Variants in MYCBP2 observed in about 807,000 individuals in gnomAD.
The protein encoded by MYCBP2 is E3 ubiquitin-protein ligase MYCBP2.
MYCBP2 carries 120 observed loss-of-function variants against 525.3 expected under a neutral mutation model. The ratio of observed to expected loss-of-function variants is 0.23; its 90% CI spans 0.20 to 0.27. The LOEUF (loss-of-function observed/expected upper bound fraction) is 0.27. Ranked by LOEUF, MYCBP2 falls within the 10% of genes least tolerant of loss-of-function variation. The probability of loss-of-function intolerance (pLI) is 1.00; values close to 1 mark genes in which losing one functional copy is unlikely to be tolerated. For missense variants in MYCBP2, 4,149 were observed against 5,657.1 expected, an observed-to-expected ratio of 0.73 and a Z score of 8.55; for synonymous variants, 1,894 against 1,955.8, an observed-to-expected ratio of 0.97 and a Z score of 0.83.
intron 26 of MYCBP2, among the ~76,000 whole-genome samples, chr13:77,202,844 A>G (rs958527499): frequency 4.6e-5 from 7 of 152,142 alleles, no homozygotes; most frequent in Non-Finnish European, 8.8e-5. Flanking sequence ...AAATTCAACA[A>G]CCCTTCATGC....
Position 77,051,873 on chromosome 13 carries a change from C to T in MYCBP2, c.13693G>A (p.Gly4565Arg). The change falls in exon 81 of 83, where the codon GGA (glycine) becomes AGA (arginine). Residue 4565 changes from glycine to arginine, a missense_variant. Physicochemically the swap from Gly to Arg is moderately radical, Grantham distance 125 (BLOSUM62 -2). Transcript: ENST00000544440. ...AGCTCTCTGGGATCATAATCATCTC[C>T]CCGTCCAGCCTCAGCATCGCAGCGA... is the stretch of plus-strand genomic sequence containing the variant. ...EARCDAEAGR[G>R]DDYDPRELIC... The T allele has an allele frequency of 2.5e-6, 4 of 1,614,132 alleles. No homozygotes were observed. Among genetic ancestry groups the T allele is most frequent in the Non-Finnish European group, 2.5e-6 (3 of 1,180,022 alleles).
At chr13:77,166,993 AC>A (rs1164895799) in intron 40 of MYCBP2, among the ~76,000 whole-genome samples, 45 of 150,158 alleles carry the variant, frequency 3.0e-4, no homozygotes, top group Admixed American at 2.8e-3. Flanking sequence ...ACACACACAC[AC>A]ACACACACAC....
Position 77,263,930 on chromosome 13 carries a change from T to A in MYCBP2, c.1430A>T (p.Asp477Val), listed in dbSNP as rs778183809. 2 of 1,611,460 alleles carry A rather than the reference T, an allele frequency of 1.2e-6. No homozygotes were observed. The highest frequency in any genetic ancestry group is 2.2e-5 in the East Asian group (1 of 44,782). ...CTACTTAAGATTCAGGATACTTACA[T>A]CTCTTGAAGCAGCTATCTGATTAAT... Reference protein sequence around the residue: ...EYINQIAASRDDGFVVRIFAT... With the variant: ...EYINQIAASRVDGFVVRIFAT... The change falls in exon 9 of 83, where the codon GAT (aspartate) becomes GTT (valine). Residue 477 changes from aspartate to valine, a missense_variant and splice_region_variant. Transcript: ENST00000544440.
chr13:77,189,102 C>G lies in MYCBP2; in HGVS notation c.4155-55G>C, dbSNP rs1020344151. 7 of 1,304,136 alleles carry G rather than the reference C, an allele frequency of 5.4e-6. No homozygotes were observed. In the East Asian group the frequency reaches 1.3e-4, roughly 24 times the overall value. 80.8% of individuals were successfully genotyped at this position (1,304,136 alleles called of 1,614,324 possible). On this transcript the variant is annotated intron_variant, in intron 29 of 82. Coordinates refer to ENST00000544440, the MANE Select transcript of MYCBP2 (RefSeq NM_015057.5). ...GTTAGAAAGTCCAATGTCATTTTTT[C>G]TTTTTAAAGTATATTATACATTTTT... is the stretch of plus-strand genomic sequence containing the variant.
chr13:77,090,113 T>G lies in MYCBP2; in HGVS notation c.10518A>C (p.Gly3506=), dbSNP rs1230468847. The change falls in exon 60 of 83, where the codon GGA becomes GGC. Residue 3506 remains glycine, a synonymous_variant. Transcript: ENST00000544440. ...KAIPRRRVNS[G]DTEVGSSLLR... Reference sequence around the variant, plus strand: ...TTTTATCCTCATACTTACCAGTGTCTCCACTGTTAACTCTTCTTCTAGGAA... The same window carrying G: ...TTTTATCCTCATACTTACCAGTGTCGCCACTGTTAACTCTTCTTCTAGGAA... 6.2e-7 allele frequency: 1 copy of G among 1,609,090 alleles called. No individual in the cohort carries two copies. The highest frequency in any genetic ancestry group is 8.5e-7 in the Non-Finnish European group (1 of 1,177,612).
intron 68 of MYCBP2, 79 bp downstream of exon 68, chr13:77,076,672 A>G: frequency 7.2e-6 from 6 of 830,642 alleles, no homozygotes. Context: ...CCATCAAAAT[A>G]TACAGCAATA....
chr13:77,308,324 T>C (rs1822219710), intron 1 of MYCBP2, among the ~76,000 whole-genome samples: 1 of 152,190 alleles, frequency 6.6e-6, no homozygotes, highest in Non-Finnish European at 1.5e-5. Context: ...TTATTCCCAT[T>C]CTCTCTCTCT....
At chr13:77,206,588 C>A in intron 24 of MYCBP2, 65 bp downstream of exon 24, 2 of 1,347,354 alleles carry the variant, frequency 1.5e-6, no homozygotes, top group Admixed American at 2.7e-5. Context: ...TTTAAATACT[C>A]TAAAAAAAAA....
chr13:77,203,933 C>T (rs2062957975), intron 26 of MYCBP2, among the ~76,000 whole-genome samples: 1 of 151,776 alleles, frequency 6.6e-6, no homozygotes, highest in South Asian at 2.1e-4. Flanking sequence ...GACCTAAAAC[C>T]ATAAAAACCC....
intron 29 of MYCBP2, among the ~76,000 whole-genome samples, chr13:77,189,721 T>C (rs1297692448): frequency 6.6e-6 from 1 of 152,176 alleles, no homozygotes; most frequent in Non-Finnish European, 1.5e-5. Flanking sequence ...CTTAAATTAT[T>C]GTAAGTTAAA....
At chr13:77,232,597 G>C (rs1014163345) in intron 18 of MYCBP2, among the ~76,000 whole-genome samples, 1 of 152,140 alleles carries the variant, frequency 6.6e-6, no homozygotes, top group Non-Finnish European at 1.5e-5. Context: ...AGGGACTAGA[G>C]AAAGTCTTCA....
At chr13:77,288,563 C>G (rs1196389860) in intron 2 of MYCBP2, among the ~76,000 whole-genome samples, 187 bp from the exon 3 acceptor site, 2 of 152,110 alleles carry the variant, frequency 1.3e-5, no homozygotes, top group Non-Finnish European at 2.9e-5. Flanking sequence ...ATTTTTTGAG[C>G]AATGCAGCAA....
chr13:77,317,720 C>T (rs186401263), intron 1 of MYCBP2, among the ~76,000 whole-genome samples: 1 of 152,218 alleles, frequency 6.6e-6, no homozygotes, highest in African/African-American at 2.4e-5. Context: ...GGCCGGATCA[C>T]GAGGTCAGGA....
chr13:77,123,534 A>G (rs892869944), intron 54 of MYCBP2, among the ~76,000 whole-genome samples: 5 of 152,164 alleles, frequency 3.3e-5, no homozygotes, highest in Admixed American at 2.6e-4. Flanking sequence ...TTTATCTGTT[A>G]TTTGCTCATT....
intron 34 of MYCBP2, among the ~76,000 whole-genome samples, chr13:77,179,748 TCATTAC>T (rs1464163609): frequency 2.6e-5 from 4 of 152,204 alleles, no homozygotes; most frequent in Non-Finnish European, 5.9e-5. Flanking sequence ...AGTCTAAACC[TCATTAC>T]CTTTCCCACA....
In MYCBP2 at chr13:77,095,525, A is replaced by T; in HGVS notation, c.10032T>A (p.Ile3344=). 1 of 1,613,550 alleles carries T rather than the reference A, an allele frequency of 6.2e-7. No individual in the cohort carries two copies. The change falls in exon 58 of 83, where the codon ATT becomes ATA. Residue 3344 remains isoleucine (I), a synonymous_variant. Coordinates refer to ENST00000544440, the MANE Select transcript of MYCBP2 (RefSeq NM_015057.5). ...ACAGCAGGAAGAGTGCATTGGCTTTAATCACCTGGTGAGCTTCCATGGTGG... is the reference window on the plus strand; with the variant it reads ...ACAGCAGGAAGAGTGCATTGGCTTTTATCACCTGGTGAGCTTCCATGGTGG... ...ALPTMEAHQV[I]KANALFLLSL...
intron 1 of MYCBP2, among the ~76,000 whole-genome samples, chr13:77,318,441 T>C (rs889576062): frequency 1.1e-4 from 17 of 152,174 alleles, no homozygotes; most frequent in Admixed American, 7.9e-4. Flanking sequence ...AAGAAAAATA[T>C]TTTTATTTCC....
intron 11 of MYCBP2, 131 bp from the exon 12 acceptor site, chr13:77,261,506 C>T (rs1280306126): frequency 7.2e-6 from 5 of 690,706 alleles, no homozygotes; most frequent in Non-Finnish European, 1.2e-5. Flanking sequence ...CTCTTTTTTA[C>T]ACTATTCAGC....
chr13:77,151,084 C>A, intron 46 of MYCBP2, 135 bp from the exon 47 acceptor site: 1 of 718,698 alleles, frequency 1.4e-6, no homozygotes, highest in Non-Finnish European at 2.3e-6. Context: ...GCATTCCCTT[C>A]AAAGGCTTAT....
Sources: gnomAD v4.1 joint callset for allele counts (sites outside exome capture counted in the v4.1 genomes callset) on GRCh38, gnomAD v4.1.1 for gene constraint, MANE v1.5 for transcripts, NCBI Gene and HGNC (gene_info 2026-07-23, HGNC 2026-07-21) for gene names.